The following DCK variants were observed in gnomAD, a reference collection of about 807,000 sequenced individuals.
DCK encodes the protein deoxycytidine kinase, also known as deoxyadenosine kinase.
Under a neutral mutation model 38.3 loss-of-function variants are expected in DCK, and 23 were observed. That is an observed-to-expected ratio of 0.60 (90% CI 0.43 to 0.85). DCK has a LOEUF of 0.85. DCK is among the 40% of genes least tolerant of loss of function. The probability of loss-of-function intolerance (pLI) is 0.00; values close to 1 mark genes in which losing one functional copy is unlikely to be tolerated. For missense variants in DCK, 259 were observed against 304.4 expected, an observed-to-expected ratio of 0.85 and a Z score of 1.11; for synonymous variants, 108 against 100.6, an observed-to-expected ratio of 1.07 and a Z score of -0.44.
chr4:71,019,218 A>G (rs1371326772), intron 2 of DCK, among the ~76,000 whole-genome samples: 2 of 152,134 alleles, frequency 1.3e-5, no homozygotes, highest in Admixed American at 6.6e-5. Flanking sequence ...TTGAATTTAC[A>G]TATTTGTATT....
Position 71,023,583 on chromosome 4 carries a change from T to C in DCK, c.426T>C (p.Tyr142=), listed in dbSNP as rs1578429814. ...GGTATATTTTTGCATCTAATTTGTA[T>C]GAATCTGAATGCATGAATGAGACAG... ...SDRYIFASNL[Y]ESECMNETEW... Residue 142 remains tyrosine, a synonymous_variant, in exon 4 of 7, where the codon TAT becomes TAC. Coordinates refer to ENST00000286648, the MANE Select transcript of DCK (RefSeq NM_000788.3). The C allele has an allele frequency of 1.2e-6, 2 of 1,603,110 alleles. No homozygotes were observed. The highest frequency in any genetic ancestry group is 1.7e-6 in the Non-Finnish European group (2 of 1,173,134).
chr4:70,994,792 T>G (rs1282754788), intron 1 of DCK, among the ~76,000 whole-genome samples: 2 of 152,162 alleles, frequency 1.3e-5, no homozygotes, highest in Non-Finnish European at 2.9e-5. Flanking sequence ...AAGTAAACAT[T>G]GGATTATGAT....
intron 2 of DCK, among the ~76,000 whole-genome samples, chr4:71,001,702 T>A (rs1033515382): frequency 3.3e-5 from 5 of 152,214 alleles, no homozygotes; most frequent in Non-Finnish European, 7.4e-5. Context: ...TTCTTCCTGG[T>A]TTAATCTTGG....
intron 2 of DCK, among the ~76,000 whole-genome samples, chr4:71,002,098 G>A (rs1406275344): frequency 3.9e-5 from 6 of 152,182 alleles, no homozygotes; most frequent in Non-Finnish European, 7.3e-5. Context: ...GCTTTCTCAT[G>A]TGGGCACTTA....
intron 6 of DCK, among the ~76,000 whole-genome samples, chr4:71,027,674 G>A (rs919281335): frequency 2.0e-5 from 3 of 152,122 alleles, no homozygotes; most frequent in African/African-American, 4.8e-5. Flanking sequence ...GACATTTTAT[G>A]TAACTACTGT....
In DCK at chr4:71,016,242, C is replaced by T. The variant is rs192506730; in HGVS notation, c.208-6125C>T. ...AACTTACAAGGGATGTGAAGGACCT[C>T]TTCAAGGAGAACTACAAACCACTGC... is the stretch of plus-strand genomic sequence containing the variant. On this transcript the variant is annotated intron_variant, in intron 2 of 6. Transcript: ENST00000286648. Among the ~76,000 whole-genome samples the T allele has an allele frequency of 9.2e-3, 1,396 of 152,288 alleles. 8 individuals are homozygous for T. The highest frequency in any genetic ancestry group is 0.024 in the South Asian group (117 of 4,828).
At chr4:71,021,319 C>T (rs1740420273) in intron 2 of DCK, among the ~76,000 whole-genome samples, 2 of 152,184 alleles carry the variant, frequency 1.3e-5, no homozygotes, top group South Asian at 4.2e-4. Flanking sequence ...TCATGATCCA[C>T]CCGCCTCGGC....
intron 2 of DCK, among the ~76,000 whole-genome samples, chr4:71,000,218 C>G (rs967486916): frequency 4.6e-5 from 7 of 152,134 alleles, no homozygotes; most frequent in African/African-American, 1.7e-4. Context: ...AGGAAGGGGT[C>G]CAGTTTCCGT....
chr4:71,022,929 A>C (rs938039539), intron 3 of DCK, among the ~76,000 whole-genome samples: 1 of 152,144 alleles, frequency 6.6e-6, no homozygotes, highest in African/African-American at 2.4e-5. Context: ...GGGCCTTAGA[A>C]TTGCCCTACT....
chr4:71,023,351 A>T (rs571422317), intron 3 of DCK, among the ~76,000 whole-genome samples: 2 of 152,294 alleles, frequency 1.3e-5, no homozygotes, highest in African/African-American at 4.8e-5. Context: ...AACCCCTTAG[A>T]AGATCTTGGG....
chr4:71,009,712 C>G (rs1193727769), intron 2 of DCK, among the ~76,000 whole-genome samples: 1 of 152,086 alleles, frequency 6.6e-6, no homozygotes, highest in Non-Finnish European at 1.5e-5. Context: ...GTAGCTTCAG[C>G]TTTTTTGTGT....
chr4:71,026,534 C>G (rs1057432067), intron 5 of DCK, 131 bp from the exon 6 acceptor site: 4 of 643,642 alleles, frequency 6.2e-6, no homozygotes, highest in Non-Finnish European at 1.1e-5. Flanking sequence ...AGATGAAGTA[C>G]TGCAAAGTAA....
chr4:71,018,513 A>G (rs1195400998), intron 2 of DCK, among the ~76,000 whole-genome samples: 2 of 152,130 alleles, frequency 1.3e-5, no homozygotes, highest in African/African-American at 2.4e-5. Flanking sequence ...AAATGTAGCT[A>G]AACTGCTTTC....
At chr4:71,021,262 A>G (rs559547185) in intron 2 of DCK, among the ~76,000 whole-genome samples, 56 of 151,054 alleles carry the variant, frequency 3.7e-4, no homozygotes, top group Non-Finnish European at 7.5e-4. Context: ...TTTTTAGTAG[A>G]GACGGGGTTT....
intron 5 of DCK, 92 bp downstream of exon 5, chr4:71,026,023 AT>A (rs753123997): frequency 1.2e-5 from 17 of 1,376,288 alleles, no homozygotes; most frequent in Admixed American, 2.9e-5. Context: ...GACTAGCAAT[AT>A]GTAAAATTTC....
intron 6 of DCK, 81 bp from the exon 7 acceptor site, chr4:71,029,271 A>G (rs1349730495): frequency 1.1e-6 from 1 of 903,784 alleles, no homozygotes; most frequent in Non-Finnish European, 1.7e-6. Flanking sequence ...CAACTATTAT[A>G]TACTTTTAAA....
chr4:71,016,474 A>C (rs1740264521), intron 2 of DCK, among the ~76,000 whole-genome samples: 1 of 152,196 alleles, frequency 6.6e-6, no homozygotes, highest in Admixed American at 6.5e-5. Context: ...CCGCATTGCC[A>C]GGTAAATCCT....
In DCK at chr4:70,998,068, T is replaced by C; in HGVS notation, c.93T>C (p.Ala31=). Residue 31 remains alanine, a splice_region_variant and synonymous_variant, in exon 2 of 7, where the codon GCT becomes GCC. Coordinates refer to ENST00000286648, the MANE Select transcript of DCK (RefSeq NM_000788.3). The part of the protein sequence containing the change: ...IKKISIEGNI[A]AGKSTFVNIL... The stretch of plus-strand genomic sequence containing the variant: ...CAATTTTATCTTTCCTCACAACAGC[T>C]GCAGGGAAGTCAACATTTGTGAATA... 6.5e-7 allele frequency: 1 copy of C among 1,535,650 alleles called. No individual in the cohort carries two copies. The highest frequency in any genetic ancestry group is 8.9e-7 in the Non-Finnish European group (1 of 1,119,862).
intron 1 of DCK, among the ~76,000 whole-genome samples, chr4:70,994,189 T>A (rs906785290): frequency 3.3e-5 from 5 of 152,190 alleles, no homozygotes; most frequent in Admixed American, 3.3e-4. Flanking sequence ...TGCTCCCTCT[T>A]TGTTGGGAAC....
Sources: gnomAD v4.1 joint callset for allele counts (sites outside exome capture counted in the v4.1 genomes callset) on GRCh38, gnomAD v4.1.1 for gene constraint, MANE v1.5 for transcripts, NCBI Gene and HGNC (gene_info 2026-07-23, HGNC 2026-07-21) for gene names.